RARB: variants seen among roughly 807,000 people sequenced by gnomAD.
RARB encodes the protein HBV-activated protein.
A neutral mutation model predicts 51.9 loss-of-function variants in RARB; 17 were observed. The ratio of observed to expected loss-of-function variants is 0.33; its 90% confidence interval spans 0.22 to 0.49. The LOEUF (loss-of-function observed/expected upper bound fraction) is 0.49. RARB is among the 20% of genes least tolerant of loss of function. The probability of loss-of-function intolerance (pLI) is 0.99; values close to 1 mark genes in which losing one functional copy is unlikely to be tolerated. For synonymous variants in RARB, 215 were observed against 195.4 expected (o/e 1.10, Z -0.84); for missense variants, 369 against 550.8 (o/e 0.67, Z 3.30).
chr3:25,044,740 C>G (rs1162652648), intron 2 of RARB, among the ~76,000 whole-genome samples: 2 of 152,144 alleles, frequency 1.3e-5, no homozygotes, highest in African/African-American at 4.8e-5. Context: ...AAGTATCTTT[C>G]TAATATTACT....
intron 4 of RARB, among the ~76,000 whole-genome samples, chr3:25,163,106 C>T (rs1315690453): frequency 1.3e-5 from 2 of 152,162 alleles, no homozygotes; most frequent in African/African-American, 2.4e-5. Flanking sequence ...GGAGAAAACC[C>T]TAATAGTGGG....
chr3:25,263,293 CT>C (rs1340020855), intron 5 of RARB, among the ~76,000 whole-genome samples: 2 of 152,122 alleles, frequency 1.3e-5, no homozygotes, highest in African/African-American at 4.8e-5. Flanking sequence ...TTACAACAGT[CT>C]TCTGCTGTAA....
chr3:25,380,536 T>A (rs991514858), intron 5 of RARB, among the ~76,000 whole-genome samples: 1 of 152,100 alleles, frequency 6.6e-6, no homozygotes, highest in African/African-American at 2.4e-5. Flanking sequence ...TCCCCCTCTT[T>A]CCTCCAAAAG....
At chr3:25,337,181 C>A (rs1398505529) in intron 5 of RARB, among the ~76,000 whole-genome samples, 1 of 152,178 alleles carries the variant, frequency 6.6e-6, no homozygotes, top group African/African-American at 2.4e-5. Flanking sequence ...ATATGTCAAC[C>A]ACTATTACCA....
chr3:25,113,065 A>T (rs1043262531), intron 3 of RARB, among the ~76,000 whole-genome samples: 1 of 152,160 alleles, frequency 6.6e-6, no homozygotes, highest in Non-Finnish European at 1.5e-5. Flanking sequence ...TTATTTGGAA[A>T]TGAATCACAT....
At chr3:25,467,786 A>G (rs1009827451) in intron 2 of RARB, among the ~76,000 whole-genome samples, 1 of 152,192 alleles carries the variant, frequency 6.6e-6, no homozygotes, top group Non-Finnish European at 1.5e-5. Flanking sequence ...TTATTCACCA[A>G]TCATTCATCC....
At chr3:25,043,951 C>G (rs1698162836) in intron 2 of RARB, among the ~76,000 whole-genome samples, 1 of 152,002 alleles carries the variant, frequency 6.6e-6, no homozygotes, top group Non-Finnish European at 1.5e-5. Context: ...TAATAGAAAG[C>G]ATGTGTGTGT....
intron 5 of RARB, among the ~76,000 whole-genome samples, chr3:25,235,634 G>C (rs1042027182): frequency 6.6e-6 from 1 of 152,142 alleles, no homozygotes; most frequent in Non-Finnish European, 1.5e-5. Context: ...CAAGTCTGCT[G>C]TTTCATGTGG....
intron 3 of RARB, among the ~76,000 whole-genome samples, chr3:25,071,134 T>G (rs567609793): frequency 2.6e-5 from 4 of 152,336 alleles, no homozygotes; most frequent in Admixed American, 2.6e-4. Flanking sequence ...TCTTGCAAGT[T>G]AGGAATTTTT....
intron 1 of RARB, among the ~76,000 whole-genome samples, chr3:24,848,365 A>AGGTGTGATCCATGGCGCCTGGCCCTGTG (rs1702511695): frequency 6.6e-6 from 1 of 152,174 alleles, no homozygotes; most frequent in African/African-American, 2.4e-5. Context: ...CTGGCCCTGT[A>AGGTGTGATCCATGGCGCCTGGCCCTGTG]AGGTTTTAAA....
intron 2 of RARB, among the ~76,000 whole-genome samples, chr3:24,996,906 A>G (rs1273459139): frequency 6.6e-6 from 1 of 152,228 alleles, no homozygotes; most frequent in Non-Finnish European, 1.5e-5. Context: ...TATTCCATGT[A>G]TTTATGAAAA....
At chr3:24,971,831 C>T (rs1385887531) in intron 2 of RARB, among the ~76,000 whole-genome samples, 1 of 151,854 alleles carries the variant, frequency 6.6e-6, no homozygotes, top group Non-Finnish European at 1.5e-5. Flanking sequence ...TTTTGTGATT[C>T]TATGACAAGC....
At chr3:25,144,282 C>T (rs1316871617) in intron 4 of RARB, among the ~76,000 whole-genome samples, 1 of 152,018 alleles carries the variant, frequency 6.6e-6, no homozygotes, top group East Asian at 1.9e-4. Flanking sequence ...ATCGAAGAGG[C>T]CCTTCAAATT....
At chr3:25,034,205 G>A (rs1229928293) in intron 2 of RARB, among the ~76,000 whole-genome samples, 2 of 152,200 alleles carry the variant, frequency 1.3e-5, no homozygotes, top group African/African-American at 4.8e-5. Context: ...GGCTACTCAG[G>A]AGGCTAAGGC....
intron 1 of RARB, among the ~76,000 whole-genome samples, chr3:24,835,112 T>C (rs1702327360): frequency 6.6e-6 from 1 of 152,228 alleles, no homozygotes; most frequent in Non-Finnish European, 1.5e-5. Context: ...TTGCCCTGGC[T>C]GTTTCCACCA....
At chr3:24,888,983 GATA>G (rs1168687741) in intron 2 of RARB, among the ~76,000 whole-genome samples, 1 of 152,142 alleles carries the variant, frequency 6.6e-6, no homozygotes, top group Non-Finnish European at 1.5e-5. Flanking sequence ...TCCTTTTGAT[GATA>G]ATGTGAATTT....
intron 2 of RARB, among the ~76,000 whole-genome samples, chr3:24,862,529 TA>T (rs1702770985): frequency 6.6e-6 from 1 of 152,210 alleles, no homozygotes; most frequent in Non-Finnish European, 1.5e-5. Context: ...AGTATCACAA[TA>T]AAATCTCTGG....
intron 5 of RARB, among the ~76,000 whole-genome samples, chr3:25,338,963 T>C (rs1705143198): frequency 2.0e-5 from 3 of 152,254 alleles, no homozygotes; most frequent in African/African-American, 2.4e-5. Context: ...TTCTGAGTAG[T>C]AGTGCTCACT....
chr3:25,324,754 C>G (rs1704666128), intron 5 of RARB: 1 of 152,388 alleles, frequency 6.6e-6, no homozygotes, highest in African/African-American at 2.4e-5. Context: ...GCTGGAGAAT[C>G]TCAGCAGTGG....
Sources: gnomAD v4.1 joint callset for allele counts (sites outside exome capture counted in the v4.1 genomes callset) on GRCh38, gnomAD v4.1.1 for gene constraint, MANE v1.5 for transcripts, NCBI Gene and HGNC (gene_info 2026-07-23, HGNC 2026-07-21) for gene names.